FAT3: variants seen among roughly 807,000 people sequenced by gnomAD.
FAT3 encodes the protein protocadherin Fat 3.
FAT3 carries 95 observed loss-of-function variants against 310.2 expected under a neutral mutation model. The observed-to-expected ratio is 0.31, with a 90% CI of 0.26 to 0.36. The LOEUF (loss-of-function observed/expected upper bound fraction) is 0.36, where lower values mean the gene tolerates loss of function less well. Ranked by LOEUF, FAT3 falls within the 10% of genes least tolerant of loss-of-function variation. The pLI is 1.00. For missense variants in FAT3, 5,408 were observed against 5,715.6 expected, an observed-to-expected ratio of 0.95 and a Z score of 1.74; for synonymous variants, 2,314 against 2,192.9, an observed-to-expected ratio of 1.06 and a Z score of -1.54.
intron 1 of FAT3, among the ~76,000 whole-genome samples, chr11:92,265,688 G>A (rs992810718): frequency 6.6e-6 from 1 of 152,000 alleles, no homozygotes; most frequent in South Asian, 2.1e-4. Context: ...TGGCAGATTC[G>A]TTATCTAGTG....
At chr11:92,704,781 G>A (rs147651014) in intron 4 of FAT3, among the ~76,000 whole-genome samples, 13 of 152,192 alleles carry the variant, frequency 8.5e-5, no homozygotes, top group South Asian at 4.2e-4. Flanking sequence ...TATGTTCCTC[G>A]GTTATGCAGC....
At chr11:92,762,659 C>G (rs1184695324) in intron 5 of FAT3, among the ~76,000 whole-genome samples, 2 of 152,056 alleles carry the variant, frequency 1.3e-5, no homozygotes, top group Non-Finnish European at 2.9e-5. Context: ...ATGTTTATTC[C>G]ATAAAAACTG....
rs755740516 is a variant in FAT3 at position 92,831,970 on chromosome 11, C to A, written c.9830C>A (p.Ser3277Tyr). The A allele has an allele frequency of 2.6e-6, 4 of 1,565,682 alleles. No individual in the cohort carries two copies. The highest frequency in any genetic ancestry group is 3.8e-5 in the Admixed American group (2 of 52,364). The change falls in exon 14 of 28, where the codon TCT (serine) becomes TAT (tyrosine). Residue 3277 changes from serine to tyrosine, a missense_variant. Around this residue, in one of 5 missense-constraint regions of FAT3, gnomAD observed 4,588 missense variants for 4,809.8 expected, o/e 0.95. Transcript: ENST00000525166. The part of the protein sequence containing the change: ...TNAEITYLIR[S>Y]GNEQGKFKIN... ...GCTGAGATCACTTATCTCATCCGGT[C>A]TGGGAACGAACAAGGGAAATTTAAG...
chr11:92,546,102 C>T (rs763375946), intron 3 of FAT3, among the ~76,000 whole-genome samples: 1 of 152,078 alleles, frequency 6.6e-6, no homozygotes, highest in Non-Finnish European at 1.5e-5. Context: ...CAAGAAATGT[C>T]GTCTGCTGTA....
chr11:92,653,547 A>G (rs1005777877), intron 3 of FAT3, among the ~76,000 whole-genome samples: 2 of 152,168 alleles, frequency 1.3e-5, no homozygotes, highest in Admixed American at 6.5e-5. Context: ...CTTTCCAAAA[A>G]TTTACTAAAA....
At chr11:92,680,817 C>T (rs1943460670) in intron 3 of FAT3, among the ~76,000 whole-genome samples, 1 of 152,320 alleles carries the variant, frequency 6.6e-6, no homozygotes, top group South Asian at 2.1e-4. Flanking sequence ...TTTAAAATCA[C>T]TTGCCCAAGG....
At chr11:92,550,606 C>A (rs1486393220) in intron 3 of FAT3, among the ~76,000 whole-genome samples, 1 of 152,080 alleles carries the variant, frequency 6.6e-6, no homozygotes, top group Admixed American at 6.5e-5. Flanking sequence ...CTAAGACAGT[C>A]ATTCACAAAC....
chr11:92,822,412 C>A (rs908373184), intron 13 of FAT3, among the ~76,000 whole-genome samples: 12 of 152,082 alleles, frequency 7.9e-5, no homozygotes, highest in African/African-American at 2.7e-4. Flanking sequence ...ACTAATATAG[C>A]TAGGAAAATC....
intron 22 of FAT3, among the ~76,000 whole-genome samples, chr11:92,876,226 T>G (rs1309087553): frequency 6.6e-6 from 1 of 152,192 alleles, no homozygotes; most frequent in African/African-American, 2.4e-5. Context: ...TGTGGTTGTC[T>G]AAGATTATAT....
chr11:92,816,419 G>A (rs2136225643), intron 13 of FAT3, among the ~76,000 whole-genome samples: 1 of 152,302 alleles, frequency 6.6e-6, no homozygotes, highest in South Asian at 2.1e-4. Context: ...GCTGTCAGCT[G>A]CCTCAGCCTG....
chr11:92,398,292 G>A (rs1301603567), intron 2 of FAT3, among the ~76,000 whole-genome samples: 2 of 152,020 alleles, frequency 1.3e-5, no homozygotes, highest in African/African-American at 4.8e-5. Flanking sequence ...CCTGAGGTCA[G>A]GAGTTCAAGA....
chr11:92,323,776 G>T (rs1419654200), intron 1 of FAT3, among the ~76,000 whole-genome samples: 1 of 152,166 alleles, frequency 6.6e-6, no homozygotes, highest in Non-Finnish European at 1.5e-5. Context: ...TCAGCTTAAA[G>T]TCACCAGCTG....
intron 3 of FAT3, among the ~76,000 whole-genome samples, chr11:92,590,420 G>A (rs535150885): frequency 1.3e-5 from 2 of 152,240 alleles, no homozygotes; most frequent in East Asian, 3.9e-4. Flanking sequence ...AAGGGTGGGA[G>A]GGTAAGTAAG....
intron 4 of FAT3, among the ~76,000 whole-genome samples, chr11:92,713,548 G>T (rs1022553047): frequency 6.6e-6 from 1 of 152,038 alleles, no homozygotes; most frequent in Non-Finnish European, 1.5e-5. Context: ...CATGCATATT[G>T]GTTCTTACAT....
chr11:92,434,469 TGTCCTCAC>T (rs1950880747), intron 2 of FAT3, among the ~76,000 whole-genome samples: 1 of 152,170 alleles, frequency 6.6e-6, no homozygotes, highest in Admixed American at 6.5e-5. Flanking sequence ...GAGGCAAGCT[TGTCCTCAC>T]CCCTGAGAGG....
At chr11:92,684,602 A>G (rs1943577175) in intron 3 of FAT3, among the ~76,000 whole-genome samples, 1 of 152,190 alleles carries the variant, frequency 6.6e-6, no homozygotes, top group Admixed American at 6.5e-5. Flanking sequence ...CAAATTTAGG[A>G]GTCGAACAGA....
chr11:92,868,497 C>G (rs1317619886), intron 22 of FAT3, among the ~76,000 whole-genome samples: 1 of 152,064 alleles, frequency 6.6e-6, no homozygotes, highest in Non-Finnish European at 1.5e-5. Context: ...ATAAACCAGC[C>G]CATTATGACA....
intron 2 of FAT3, among the ~76,000 whole-genome samples, chr11:92,464,219 TG>T (rs1951706502): frequency 6.6e-6 from 1 of 152,206 alleles, no homozygotes; most frequent in African/African-American, 2.4e-5. Context: ...CCACAAGTGG[TG>T]ATCTTCTAAA....
At chr11:92,626,998 A>G (rs1008655126) in intron 3 of FAT3, among the ~76,000 whole-genome samples, 10 of 152,212 alleles carry the variant, frequency 6.6e-5, no homozygotes, top group African/African-American at 2.2e-4. Flanking sequence ...GAGCTGTAAC[A>G]TTGTTGAAAT....
Sources: gnomAD v4.1 joint callset for allele counts (sites outside exome capture counted in the v4.1 genomes callset) on GRCh38, gnomAD v4.1.1 for gene constraint, gnomAD v4.1.1 regional missense constraint, MANE v1.5 for transcripts, NCBI Gene and HGNC (gene_info 2026-07-23, HGNC 2026-07-21) for gene names.